The following DLGAP2 variants were observed in gnomAD, a reference collection of about 807,000 sequenced individuals.
The protein encoded by DLGAP2 is disks large-associated protein 2.
A neutral mutation model predicts 100.3 loss-of-function variants in DLGAP2; 26 were observed. The observed-to-expected ratio is 0.26, with a 90% CI of 0.19 to 0.36. DLGAP2 has a LOEUF of 0.36. Ranked by LOEUF, DLGAP2 falls within the 10% of genes least tolerant of loss-of-function variation. DLGAP2 has a pLI of 1.00. For missense variants in DLGAP2, 1,858 were observed against 1,453.2 expected (o/e 1.28, Z -4.53); for synonymous variants, 886 against 630.1 (o/e 1.41, Z -6.08).
At chr8:1,498,171 G>A (rs1482391013) in intron 3 of DLGAP2, among the ~76,000 whole-genome samples, 2 of 152,060 alleles carry the variant, frequency 1.3e-5, no homozygotes, top group African/African-American at 4.8e-5. Flanking sequence ...CATAGAAAGC[G>A]ATGTCTGGGT....
At chr8:907,425 T>G (rs1393210267) in intron 1 of DLGAP2, among the ~76,000 whole-genome samples, 1 of 152,226 alleles carries the variant, frequency 6.6e-6, no homozygotes, top group Non-Finnish European at 1.5e-5. Context: ...ATTTTACTAC[T>G]GAAGTATGAA....
At chr8:1,354,310 A>T (rs1801799839) in intron 3 of DLGAP2, among the ~76,000 whole-genome samples, 1 of 152,200 alleles carries the variant, frequency 6.6e-6, no homozygotes, top group Non-Finnish European at 1.5e-5. Flanking sequence ...GTTTGAGACC[A>T]GCCTGGGCAA....
intron 6 of DLGAP2, among the ~76,000 whole-genome samples, chr8:1,602,490 C>T (rs561014667): frequency 6.6e-6 from 1 of 152,246 alleles, no homozygotes; most frequent in Non-Finnish European, 1.5e-5. Context: ...TTGCCCAGAG[C>T]TAGCCAGGGC....
intron 8 of DLGAP2, among the ~76,000 whole-genome samples, chr8:1,665,222 T>G (rs1798513956): frequency 1.3e-5 from 2 of 152,226 alleles, no homozygotes; most frequent in Non-Finnish European, 2.9e-5. Flanking sequence ...TTTTTCAGAC[T>G]CTTTAAATTT....
At chr8:1,559,677 T>C (rs1802093352) in intron 5 of DLGAP2, among the ~76,000 whole-genome samples, 1 of 152,246 alleles carries the variant, frequency 6.6e-6, no homozygotes, top group South Asian at 2.1e-4. Context: ...AAAAATCCCA[T>C]AAACCTGCCA....
chr8:989,546 A>G (rs1006076299), intron 2 of DLGAP2, among the ~76,000 whole-genome samples: 2 of 151,974 alleles, frequency 1.3e-5, no homozygotes. Flanking sequence ...CTCACATGTC[A>G]TGTGTGATTG....
intron 1 of DLGAP2, among the ~76,000 whole-genome samples, chr8:821,370 G>A (rs1262710027): frequency 6.6e-6 from 1 of 152,072 alleles, no homozygotes; most frequent in Admixed American, 6.6e-5. Flanking sequence ...GAAAAGACTG[G>A]CATATCTTTC....
chr8:1,086,644 C>T (rs1349813040), intron 2 of DLGAP2, among the ~76,000 whole-genome samples: 1 of 151,914 alleles, frequency 6.6e-6, no homozygotes, highest in Non-Finnish European at 1.5e-5. Context: ...AAGTCAAAAG[C>T]TGTAAAAAGA....
rs2134495 is a variant in DLGAP2, at chr8:857,032, A to G, written c.19-50880A>G. Among the ~76,000 whole-genome samples, 6,263 of 152,322 alleles carry G rather than the reference A, an allele frequency of 0.041. 760 individuals carry two copies. The East Asian group carries it at 0.51, about 13-fold the overall frequency. ...GGTAAACAAATAGACAAATAGATCA[A>G]TGGAACAGAACAGAGGGTCCAGAGA... is the stretch of plus-strand genomic sequence containing the variant. On this transcript the variant is annotated intron_variant, in intron 1 of 14. Transcript: ENST00000637795.
At chr8:1,603,871 A>C (rs1330845070) in intron 6 of DLGAP2, among the ~76,000 whole-genome samples, 1 of 152,114 alleles carries the variant, frequency 6.6e-6, no homozygotes, top group Non-Finnish European at 1.5e-5. Context: ...ATATTTGACC[A>C]CTTAATATTT....
intron 2 of DLGAP2, among the ~76,000 whole-genome samples, chr8:1,202,382 T>G (rs1225625076): frequency 1.3e-5 from 2 of 151,964 alleles, no homozygotes; most frequent in Non-Finnish European, 2.9e-5. Flanking sequence ...TGCTGTGCAG[T>G]GGACGTCCAT....
intron 2 of DLGAP2, among the ~76,000 whole-genome samples, chr8:982,596 A>G (rs781466833): frequency 1.3e-5 from 2 of 152,246 alleles, no homozygotes; most frequent in Non-Finnish European, 2.9e-5. Context: ...GCGAAGGTGA[A>G]GAGGCTTAGG....
At chr8:775,420 C>T (rs1250265635) in intron 1 of DLGAP2, among the ~76,000 whole-genome samples, 3 of 145,266 alleles carry the variant, frequency 2.1e-5, no homozygotes, top group East Asian at 2.0e-4. Flanking sequence ...GCATCCCTGT[C>T]TTGTGCCAGT....
intron 1 of DLGAP2, among the ~76,000 whole-genome samples, chr8:803,233 G>T (rs567866487): frequency 4.3e-4 from 65 of 152,272 alleles, no homozygotes; most frequent in Middle Eastern, 3.4e-3. Context: ...ACCTCTCCAT[G>T]TTTCTCCAGT....
At chr8:1,120,333 C>G (rs79918606) in intron 2 of DLGAP2, among the ~76,000 whole-genome samples, 2 of 152,146 alleles carry the variant, frequency 1.3e-5, no homozygotes, top group Non-Finnish European at 2.9e-5. Flanking sequence ...AACATGCGTC[C>G]GAATGAGAAC....
intron 3 of DLGAP2, among the ~76,000 whole-genome samples, chr8:1,338,090 C>T (rs12543607): frequency 0.44 from 66,456 of 152,106 alleles, 17,677 homozygotes; most frequent in African/African-American, 0.75. Flanking sequence ...CCCATGGGCA[C>T]GTAAAATGGT....
chr8:759,358 C>G (rs965263100), intron 1 of DLGAP2, among the ~76,000 whole-genome samples: 3 of 151,820 alleles, frequency 2.0e-5, no homozygotes, highest in Non-Finnish European at 2.9e-5. Flanking sequence ...TGGACCCACA[C>G]TGATGCGTCA....
At chr8:1,101,390 G>C (rs1415715868) in intron 2 of DLGAP2, among the ~76,000 whole-genome samples, 2 of 152,204 alleles carry the variant, frequency 1.3e-5, no homozygotes, top group African/African-American at 4.8e-5. Context: ...AGGCTACAAA[G>C]TGGATGAACC....
intron 3 of DLGAP2, among the ~76,000 whole-genome samples, chr8:1,320,306 C>A (rs1350221175): frequency 6.6e-6 from 1 of 152,032 alleles, no homozygotes; most frequent in Non-Finnish European, 1.5e-5. Flanking sequence ...GTGGCAGCTA[C>A]CAGGAGATGC....
Sources: allele counts gnomAD v4.1 joint callset (sites outside exome capture counted in the v4.1 genomes callset), GRCh38; gene constraint gnomAD v4.1.1; transcripts MANE v1.5; gene names NCBI Gene and HGNC (gene_info 2026-07-23, HGNC 2026-07-21).